SMIM27: variants seen among roughly 807,000 people sequenced by gnomAD.
SMIM27 encodes transition zone microprotein 1.
SMIM27 carries 3 observed loss-of-function variants against 1.8 expected under a neutral mutation model. That is an observed-to-expected ratio of 1.65 (90% confidence interval 0.75 to 4.28). The LOEUF (loss-of-function observed/expected upper bound fraction) is 4.28, where lower values mean the gene tolerates loss of function less well. Ranked by LOEUF, SMIM27 falls within the 30% of genes most tolerant of loss-of-function variation. SMIM27 has a pLI of 0.02. For missense variants in SMIM27, 63 were observed against 37.0 expected (o/e 1.70, Z -1.83); for synonymous variants, 19 against 13.9 (o/e 1.37, Z -0.82).
intron 1 of SMIM27, chr9:32,558,872 CA>C: frequency 7.3e-7 from 1 of 1,378,688 alleles, no homozygotes; most frequent in Non-Finnish European, 1.0e-6. Flanking sequence ...AAGAGAAAAA[CA>C]ATAAACAAAA....
intron 1 of SMIM27, among the ~76,000 whole-genome samples, chr9:32,560,016 C>T (rs1347698264): frequency 6.6e-6 from 1 of 152,174 alleles, no homozygotes; most frequent in Admixed American, 6.5e-5. Flanking sequence ...GCATAGAGAA[C>T]TGGAACATGA....
chr9:32,551,692 T>C, upstream of SMIM27: 1 of 341,882 alleles, frequency 2.9e-6, no homozygotes, highest in Non-Finnish European at 6.4e-6. Context: ...GAGCTGAACC[T>C]GGTACGCTCG....
chr9:32,562,153 A>T (rs896541261), intron 1 of SMIM27, among the ~76,000 whole-genome samples: 1 of 152,136 alleles, frequency 6.6e-6, no homozygotes, highest in Non-Finnish European at 1.5e-5. Context: ...CTGACTCCAT[A>T]TGTTTGCTTC....
downstream of SMIM27, chr9:32,553,072 T>C (rs1429778880): frequency 5.8e-6 from 3 of 517,584 alleles, no homozygotes; most frequent in Non-Finnish European, 6.8e-6. Context: ...CACTTAGAGA[T>C]TTTAGTATTT....
chr9:32,552,403 CAGCTCCCGCG>C lies in SMIM27; in HGVS notation c.-31_-22del, dbSNP rs1202036264. On this transcript the variant is annotated 5_prime_UTR_variant, in exon 1 of 2. Transcript: ENST00000692500. ...TTACTGTAAGGCCCGCAGCTCCCGC[CAGCTCCCGCG>C]GACTGCTGCCGCCTCCTTACCATGA... 6 of 1,608,022 alleles carry C rather than the reference CAGCTCCCGCG, an allele frequency of 3.7e-6. No homozygotes were observed. The highest frequency in any genetic ancestry group is 5.1e-6 in the Non-Finnish European group (6 of 1,177,636).
chr9:32,561,982 C>G (rs1821639489), intron 1 of SMIM27, among the ~76,000 whole-genome samples: 1 of 152,106 alleles, frequency 6.6e-6, no homozygotes, highest in South Asian at 2.1e-4. Flanking sequence ...AGTCACTCTC[C>G]CATTAAAAAA....
At chr9:32,551,425 C>G, upstream of SMIM27, 3 of 319,802 alleles carry the variant, frequency 9.4e-6, no homozygotes, top group Non-Finnish European at 1.8e-5. Context: ...AAACCAGAGC[C>G]CAACCAGTAT....
At chr9:32,563,491 C>CTT (rs111646430) in intron 1 of SMIM27, among the ~76,000 whole-genome samples, 4 of 92,006 alleles carry the variant, frequency 4.3e-5, no homozygotes, top group African/African-American at 8.9e-5. Context: ...GACTATTGGG[C>CTT]TTTTTTTTTT....
downstream of SMIM27, among the ~76,000 whole-genome samples, chr9:32,556,099 A>T (rs937063582): frequency 1.3e-5 from 2 of 152,144 alleles, no homozygotes; most frequent in East Asian, 3.8e-4. Flanking sequence ...CCGGGGTGCA[A>T]TGATGGAATG....
chr9:32,557,920 A>T (rs1217452516), downstream of SMIM27, among the ~76,000 whole-genome samples: 1 of 152,184 alleles, frequency 6.6e-6, no homozygotes, highest in East Asian at 1.9e-4. Flanking sequence ...CACTTTTGTT[A>T]TTTAAATTGT....
upstream of SMIM27, chr9:32,551,720 C>T: frequency 2.5e-6 from 1 of 405,580 alleles, no homozygotes; most frequent in South Asian, 1.7e-5. Context: ...AACTGCCGTG[C>T]TCGGGGCTTA....
chr9:32,561,721 G>C (rs1294080542), intron 1 of SMIM27, among the ~76,000 whole-genome samples: 5 of 152,100 alleles, frequency 3.3e-5, no homozygotes, highest in Non-Finnish European at 5.9e-5. Flanking sequence ...AGTCATAAAT[G>C]ACTGTGAACT....
exon 2 of SMIM27, chr9:32,566,640 C>T (rs1364744483): frequency 2.5e-6 from 2 of 794,684 alleles, no homozygotes; most frequent in African/African-American, 3.4e-5. Flanking sequence ...CATGGAGGAG[C>T]AGGAGCTCAC....
At position 32,552,842 on chromosome 9, in the gene SMIM27, C is replaced by T. The variant is rs1236938582; in HGVS notation, c.87C>T (p.Ile29=). The part of the protein sequence containing the change: ...AIVLISWGCI[I]YASMVSARRQ... ...TTTTAATCTCCTGGGGCTGCATCAT[C>T]TATGCTTCGATGGTGTCTGCAAGAC... Residue 29 remains isoleucine, a synonymous_variant, in exon 2 of 2, where the codon ATC becomes ATT. Transcript: ENST00000692500. 1 of 702,758 alleles carries T rather than the reference C, an allele frequency of 1.4e-6. No homozygotes were observed. The highest frequency in any genetic ancestry group is 2.7e-5 in the East Asian group (1 of 37,280). 43.5% of individuals were successfully genotyped at this position (702,758 alleles called of 1,614,324 possible).
chr9:32,553,631 T>G, downstream of SMIM27: 1 of 450,858 alleles, frequency 2.2e-6, no homozygotes, highest in South Asian at 2.7e-5. Context: ...AACTAAATAC[T>G]TTTCCATACC....
chr9:32,563,362 G>C (rs1821682648), intron 1 of SMIM27, among the ~76,000 whole-genome samples: 1 of 151,594 alleles, frequency 6.6e-6, no homozygotes, highest in African/African-American at 2.4e-5. Context: ...ATTCAGATGG[G>C]AGTCTCACTA....
intron 1 of SMIM27, among the ~76,000 whole-genome samples, chr9:32,559,825 C>A (rs894037249): frequency 1.3e-5 from 2 of 152,180 alleles, no homozygotes; most frequent in Non-Finnish European, 2.9e-5. Flanking sequence ...TAAAACTAAA[C>A]ATTTCATGAG....
At chr9:32,552,677 C>T in intron 1 of SMIM27, 124 bp from the exon 2 acceptor site, 1 of 654,548 alleles carries the variant, frequency 1.5e-6, no homozygotes. Flanking sequence ...GTACCCGCCA[C>T]TGGAACCCCA....
At chr9:32,555,071 C>T (rs1052883892), downstream of SMIM27, among the ~76,000 whole-genome samples, 8 of 150,922 alleles carry the variant, frequency 5.3e-5, no homozygotes, top group African/African-American at 2.0e-4. Context: ...CTTTGGTGCA[C>T]GCTAGAGACT....
Sources: gnomAD v4.1 joint callset for allele counts (sites outside exome capture counted in the v4.1 genomes callset) on GRCh38, gnomAD v4.1.1 for gene constraint, MANE v1.5 for transcripts, NCBI Gene and HGNC (gene_info 2026-07-23, HGNC 2026-07-21) for gene names.